HNRNPM: variants seen among roughly 807,000 people sequenced by gnomAD.
The protein encoded by HNRNPM is heterogeneous nuclear ribonucleoprotein M, also known as CEA receptor.
HNRNPM carries 11 observed loss-of-function variants against 73.1 expected under a neutral mutation model. The ratio of observed to expected loss-of-function variants is 0.15; its 90% confidence interval spans 0.09 to 0.25. The LOEUF is 0.25. Among genes scored for constraint, HNRNPM ranks in the 10% least tolerant of loss-of-function variants. The probability of loss-of-function intolerance (pLI) is 1.00; values close to 1 mark genes in which losing one functional copy is unlikely to be tolerated. For synonymous variants in HNRNPM, 407 were observed against 355.2 expected (o/e 1.15, Z -1.64); for missense variants, 789 against 1,067.9 (o/e 0.74, Z 3.64).
At chr19:8,456,294 C>T (rs547913782) in intron 2 of HNRNPM, among the ~76,000 whole-genome samples, 1 of 152,344 alleles carries the variant, frequency 6.6e-6, no homozygotes, top group African/African-American at 2.4e-5. Flanking sequence ...GATCCTCACC[C>T]CCGTGCACAC....
rs33978914 is a variant in HNRNPM, at chr19:8,447,260, C to CTTTT, written c.113+2162_113+2165dup. Among the ~76,000 whole-genome samples the CTTTT allele has an allele frequency of 9.5e-3, 1,364 of 142,964 alleles. 21 individuals are homozygous for CTTTT. The highest frequency in any genetic ancestry group is 0.024 in the South Asian group (108 of 4,556). 93.8% of individuals were successfully genotyped at this position (142,964 alleles called of 152,430 possible). On this transcript the variant is annotated intron_variant, in intron 1 of 15. Coordinates refer to ENST00000325495, the MANE Select transcript of HNRNPM (RefSeq NM_005968.5). Reference sequence around the variant, plus strand: ...TATTTTTGATAGGGCCTGTGGAAAACTTTTTTTTTTTTTTTTCATTACAAG... The same window carrying CTTTT: ...TATTTTTGATAGGGCCTGTGGAAAACTTTTTTTTTTTTTTTTTTTTCATTACAAG...
At chr19:8,488,605 T>C in intron 15 of HNRNPM, 86 bp from the exon 16 acceptor site, 2 of 1,272,240 alleles carry the variant, frequency 1.6e-6, no homozygotes, top group Non-Finnish European at 2.2e-6. Context: ...TGCTCTAGGC[T>C]TCAGGGCCTC....
At chr19:8,463,064 G>C (rs767787799) in intron 3 of HNRNPM, among the ~76,000 whole-genome samples, 5 of 152,170 alleles carry the variant, frequency 3.3e-5, no homozygotes, top group Non-Finnish European at 7.4e-5. Context: ...CTAGTTTAAA[G>C]AGAACATAAA....
intron 7 of HNRNPM, 60 bp downstream of exon 7, chr19:8,466,448 T>G: frequency 6.6e-7 from 1 of 1,522,526 alleles, no homozygotes; most frequent in Non-Finnish European, 9.1e-7. Flanking sequence ...GTGTTAGTAA[T>G]GTAGGTTTGT....
At chr19:8,487,560 G>C (rs1340127988) in intron 15 of HNRNPM, 1 of 163,986 alleles carries the variant, frequency 6.1e-6, no homozygotes, top group Non-Finnish European at 1.3e-5. Flanking sequence ...GGCACATCGG[G>C]CAACTCTTCT....
At position 8,474,215 on chromosome 19, in the gene HNRNPM, G is replaced by A. The variant is rs879864223; in HGVS notation, c.1091G>A (p.Gly364Glu). The A allele has an allele frequency of 9.4e-6, 15 of 1,596,232 alleles. No homozygotes were observed. Among genetic ancestry groups the A allele is most frequent in the Non-Finnish European group, 1.3e-5 (15 of 1,172,560 alleles). The change falls in exon 12 of 16, where the codon GGA becomes GAA. Residue 364 changes from glycine to glutamate, a missense_variant. Gly to Glu is a moderately conservative substitution (Grantham distance 98, BLOSUM62 -2). Around this residue, in one of 4 missense-constraint regions of HNRNPM, gnomAD observed 604 missense variants for 744.0 expected, o/e 0.81. Coordinates refer to ENST00000325495, the MANE Select transcript of HNRNPM (RefSeq NM_005968.5). ...GGGMENMGRF[G>E]SGMNMGRINE... ...GGTATGGAAAACATGGGTCGATTTG[G>A]ATCTGGGATGAACATGGGCAGGATA...
intron 13 of HNRNPM, among the ~76,000 whole-genome samples, chr19:8,484,246 G>A (rs1971115986): frequency 6.8e-6 from 1 of 147,326 alleles, no homozygotes; most frequent in Non-Finnish European, 1.5e-5. Context: ...GCACGATCTC[G>A]GCTCACTGTG....
intron 11 of HNRNPM, 82 bp from the exon 12 acceptor site, chr19:8,474,084 GA>G: frequency 9.8e-7 from 1 of 1,017,272 alleles, no homozygotes; most frequent in Non-Finnish European, 1.4e-6. Flanking sequence ...TACCCCAGTT[GA>G]AACATGTGAT....
rs535937230 is a variant in HNRNPM at position 8,481,997 on chromosome 19, CAG to C, written c.1121-1158_1121-1157del. Among the ~76,000 whole-genome samples, 270 of 131,788 alleles carry C rather than the reference CAG, an allele frequency of 2.0e-3. 1 individual carries two copies. Among genetic ancestry groups the C allele is most frequent in the Non-Finnish European group, 2.9e-3 (187 of 64,004 alleles). The allele number at this position is 131,788 out of a possible 152,430, so 86.5% of individuals were successfully genotyped here. A position where few individuals can be genotyped will look rare whatever the true frequency, so the allele number is the denominator to read the frequency against. Reference sequence around the variant, plus strand: ...TTTTTTTTTTTTTTTTTCTTAGAGACAGAGTCTCACTCTTGCCCAGGCTGGGG... The same window carrying C: ...TTTTTTTTTTTTTTTTTCTTAGAGACAGTCTCACTCTTGCCCAGGCTGGGG... On this transcript the variant is annotated intron_variant, in intron 12 of 15. Transcript: ENST00000325495.
intron 11 of HNRNPM, 24 bp from the exon 12 acceptor site, chr19:8,474,143 C>T: frequency 6.4e-7 from 1 of 1,550,996 alleles, no homozygotes; most frequent in Non-Finnish European, 8.7e-7. Flanking sequence ...TTGGATGATG[C>T]TGAAATGTGA....
chr19:8,478,350 C>T (rs1458011739), intron 12 of HNRNPM, among the ~76,000 whole-genome samples: 2 of 152,238 alleles, frequency 1.3e-5, no homozygotes, highest in East Asian at 1.9e-4. Flanking sequence ...ATGTCTCAGA[C>T]ACAGTGGTAT....
intron 2 of HNRNPM, among the ~76,000 whole-genome samples, chr19:8,461,097 T>C (rs1969365650): frequency 6.6e-6 from 1 of 152,230 alleles, no homozygotes; most frequent in Admixed American, 6.5e-5. Context: ...TTCATTTCTT[T>C]GCACTGATGA....
intron 12 of HNRNPM, among the ~76,000 whole-genome samples, chr19:8,480,040 T>C (rs1970799715): frequency 7.0e-6 from 1 of 143,296 alleles, no homozygotes; most frequent in Non-Finnish European, 1.5e-5. Context: ...CCCAAAGTGC[T>C]GGGATTACAG....
Position 8,462,672 on chromosome 19 carries a change from G to A in HNRNPM, c.336+91G>A. ...GGAATCGAATGAAATCAGGAAGGCA[G>A]TGAGTGCTCATGTTACAGTAGCTAT... On this transcript the variant is annotated intron_variant, in intron 3 of 15. Coordinates refer to ENST00000325495, the MANE Select transcript of HNRNPM (RefSeq NM_005968.5). The surrounding 1 kb of genome is among the most constrained non-coding windows in gnomAD (Gnocchi z 4.5). 1 of 1,070,898 alleles carries A rather than the reference G, an allele frequency of 9.3e-7. No homozygotes were observed. Among genetic ancestry groups the A allele is most frequent in the Non-Finnish European group, 1.5e-6 (1 of 685,154 alleles). The allele number at this position is 1,070,898 out of a possible 1,614,324, so 66.3% of individuals were successfully genotyped here.
intron 1 of HNRNPM, among the ~76,000 whole-genome samples, chr19:8,452,712 G>C (rs529854416): frequency 6.6e-6 from 1 of 152,306 alleles, no homozygotes; most frequent in African/African-American, 2.4e-5. Flanking sequence ...AGAGGAAGCT[G>C]CTTTCCTTGG....
In HNRNPM at chr19:8,455,414, A is replaced by T. The variant is rs763760995; in HGVS notation, c.123A>T (p.Glu41Asp). The T allele has an allele frequency of 1.2e-6, 2 of 1,613,310 alleles. No individual in the cohort carries two copies. The highest frequency in any genetic ancestry group is 2.2e-5 in the South Asian group (2 of 91,032). Residue 41 changes from glutamate (E) to aspartate (D), a missense_variant, in exon 2 of 16, where the codon GAA becomes GAT. Glu to Asp is a conservative substitution (Grantham distance 45). Around this residue, in one of 4 missense-constraint regions of HNRNPM, gnomAD observed 79 missense variants for 70.7 expected, o/e 1.12. Transcript: ENST00000325495. ...TCTCTCTCGAATTCAGTGAAGGAGAACGACCTGCTCAGAATGAGAAGAGGA... is the reference window on the plus strand; with the variant it reads ...TCTCTCTCGAATTCAGTGAAGGAGATCGACCTGCTCAGAATGAGAAGAGGA... ...NGAPGPKGEG[E>D]RPAQNEKRKE... is the part of the protein sequence containing the mutation.
intron 2 of HNRNPM, among the ~76,000 whole-genome samples, chr19:8,460,593 T>G (rs953686713): frequency 6.6e-6 from 1 of 152,240 alleles, no homozygotes; most frequent in African/African-American, 2.4e-5. Context: ...TTTGTTAAAG[T>G]GGTTATGGCC....
chr19:8,455,079 A>G (rs1402253792), intron 1 of HNRNPM, among the ~76,000 whole-genome samples: 1 of 151,914 alleles, frequency 6.6e-6, no homozygotes, highest in East Asian at 1.9e-4. Context: ...AGTTTAAGTG[A>G]TCCTCCCATC....
intron 12 of HNRNPM, among the ~76,000 whole-genome samples, chr19:8,476,303 C>A (rs990658158): frequency 1.3e-4 from 20 of 152,250 alleles, no homozygotes; most frequent in South Asian, 1.0e-3. Context: ...CCCTTGGGCA[C>A]TGCAAGGAAA....
Sources: gnomAD v4.1 joint callset for allele counts (sites outside exome capture counted in the v4.1 genomes callset) on GRCh38, gnomAD v4.1.1 for gene constraint, gnomAD v4.1.1 regional missense constraint, Gnocchi (gnomAD v3.1) non-coding constraint, MANE v1.5 for transcripts, NCBI Gene and HGNC (gene_info 2026-07-23, HGNC 2026-07-21) for gene names.